Variants in LPGAT1 observed in about 807,000 individuals in gnomAD.
The protein encoded by LPGAT1 is lysophosphatidylglycerol acyltransferase 1.
In LPGAT1, 11 loss-of-function variants were observed where a neutral mutation model predicts 47.5. That is an observed-to-expected ratio of 0.23 (90% CI 0.15 to 0.38). LPGAT1 has a LOEUF of 0.38. LPGAT1 is among the 10% of genes least tolerant of loss of function. The pLI is 1.00. For missense variants in LPGAT1, 293 were observed against 439.0 expected (o/e 0.67, Z 2.97); for synonymous variants, 138 against 144.2 (o/e 0.96, Z 0.31).
chr1:211,790,425 T>C (rs1571733494), intron 3 of LPGAT1, among the ~76,000 whole-genome samples: 1 of 127,094 alleles, frequency 7.9e-6, no homozygotes, highest in African/African-American at 2.6e-5. Flanking sequence ...TGGCCCACAA[T>C]ATAGCCTTCC....
At chr1:211,813,727 T>A (rs1660077741) in intron 2 of LPGAT1, among the ~76,000 whole-genome samples, 1 of 152,240 alleles carries the variant, frequency 6.6e-6, no homozygotes, top group African/African-American at 2.4e-5. Flanking sequence ...TCAGGTTGAT[T>A]GCAAATGTTC....
intron 6 of LPGAT1, among the ~76,000 whole-genome samples, chr1:211,757,881 T>G (rs749525897): frequency 2.6e-5 from 4 of 152,242 alleles, no homozygotes; most frequent in Non-Finnish European, 4.4e-5. Context: ...TTGTGCCCCC[T>G]ACATTTTAAC....
chr1:211,805,255 C>G (rs1659710932), intron 2 of LPGAT1, among the ~76,000 whole-genome samples: 1 of 152,158 alleles, frequency 6.6e-6, no homozygotes, highest in African/African-American at 2.4e-5. Context: ...GAAGACATCA[C>G]TACAAACGTT....
rs1400209503 is a variant in LPGAT1, at chr1:211,745,413, T to C, written c.*4486A>G. The C allele has an allele frequency of 2.6e-5, 4 of 152,228 alleles. No homozygotes were observed. Among genetic ancestry groups the C allele is most frequent in the Non-Finnish European group, 4.4e-5 (3 of 68,028 alleles). 9.4% of individuals were successfully genotyped at this position (152,228 alleles called of 1,614,324 possible). On this transcript the variant is annotated 3_prime_UTR_variant, in exon 8 of 8. Transcript: ENST00000366997. ...ATAAAATAAGTTACTGTAAAATGCA[T>C]AGACTCCTTACACGTAAAGAATTTG...
At position 211,830,677 on chromosome 1, in the gene LPGAT1, C is replaced by T; in HGVS notation, c.-132G>A. ...GAAGAAGGCGGTGGCGGGGCCCTGC[C>T]CCGCTCCGGCTGTGGCGCGGCCCGC... On this transcript the variant is annotated 5_prime_UTR_variant, in exon 1 of 8. Coordinates refer to ENST00000366997, the MANE Select transcript of LPGAT1 (RefSeq NM_014873.3). This position sits in a 1 kb window ranked among gnomAD's most constrained non-coding sequence, Gnocchi z 5.9. 1.7e-6 allele frequency: 2 copies of T among 1,191,902 alleles called. No homozygotes were observed. Among genetic ancestry groups the T allele is most frequent in the Non-Finnish European group, 2.1e-6 (2 of 964,704 alleles). The allele number at this position is 1,191,902 out of a possible 1,614,324, so 73.8% of individuals were successfully genotyped here. A position where few individuals can be genotyped will look rare whatever the true frequency, so the allele number is the denominator to read the frequency against.
At chr1:211,757,621 T>C (rs1163469973) in intron 6 of LPGAT1, among the ~76,000 whole-genome samples, 1 of 152,176 alleles carries the variant, frequency 6.6e-6, no homozygotes, top group Non-Finnish European at 1.5e-5. Flanking sequence ...TATTTTCATA[T>C]AGTCAGATAA....
intron 2 of LPGAT1, among the ~76,000 whole-genome samples, chr1:211,814,546 A>C (rs1660104806): frequency 6.6e-6 from 1 of 152,190 alleles, no homozygotes; most frequent in African/African-American, 2.4e-5. Context: ...CCATGTATGG[A>C]GTGCTGATAT....
In LPGAT1 at chr1:211,783,352, T is replaced by C; in HGVS notation, c.604A>G (p.Asn202Asp). Residue 202 changes from asparagine (N) to aspartate (D), a missense_variant, in exon 5 of 8, where the codon AAT becomes GAT. Transcript: ENST00000366997. ...RETSQAFAKK[N>D]NLPFLTNVTL... ...ACATTTGTAAGAAATGGCAAGTTATTTTTCTTGGCAAATGCCTGACTTGTT... is the reference window on the plus strand; with the variant it reads ...ACATTTGTAAGAAATGGCAAGTTATCTTTCTTGGCAAATGCCTGACTTGTT... The C allele has an allele frequency of 6.2e-7, 1 of 1,614,188 alleles. No homozygotes were observed. Among genetic ancestry groups the C allele is most frequent in the Non-Finnish European group, 8.5e-7 (1 of 1,180,030 alleles).
intron 6 of LPGAT1, among the ~76,000 whole-genome samples, chr1:211,764,636 T>C (rs1435723220): frequency 6.6e-6 from 1 of 152,220 alleles, no homozygotes; most frequent in Non-Finnish European, 1.5e-5. Context: ...TAAAATGTAA[T>C]ATTTATAGCT....
intron 6 of LPGAT1, among the ~76,000 whole-genome samples, chr1:211,770,577 T>C (rs189579526): frequency 1.7e-3 from 259 of 152,318 alleles, no homozygotes; most frequent in Non-Finnish European, 2.5e-3. Flanking sequence ...ATAATGGAGC[T>C]GAAAAATTCC....
intron 5 of LPGAT1, among the ~76,000 whole-genome samples, chr1:211,782,455 T>A (rs545078208): frequency 6.7e-4 from 102 of 152,266 alleles, no homozygotes; most frequent in African/African-American, 2.3e-3. Flanking sequence ...CAAACAAGGC[T>A]GGACATGGTG....
At position 211,793,240 on chromosome 1, in the gene LPGAT1, TATC is replaced by T. The variant is rs763101101; in HGVS notation, c.239-53_239-51del. 6 of 1,193,910 alleles carry T rather than the reference TATC, an allele frequency of 5.0e-6. No homozygotes were observed. In the South Asian group the frequency reaches 7.6e-5, roughly 15 times the overall value. The allele number at this position is 1,193,910 out of a possible 1,614,324, so 74.0% of individuals were successfully genotyped here. A position where few individuals can be genotyped will look rare whatever the true frequency, so the allele number is the denominator to read the frequency against. ...GCTGTCATTTTAAAGATTTTTATAT[TATC>T]ACAAACCTTATATTAGAAAAAATGA... On this transcript the variant is annotated intron_variant, in intron 2 of 7. Coordinates refer to ENST00000366997, the MANE Select transcript of LPGAT1 (RefSeq NM_014873.3).
intron 2 of LPGAT1, among the ~76,000 whole-genome samples, chr1:211,797,248 T>A (rs1259837007): frequency 6.6e-6 from 1 of 151,480 alleles, no homozygotes; most frequent in Non-Finnish European, 1.5e-5. Context: ...AAAGCGAGAC[T>A]CTGTCTCAAA....
At chr1:211,828,506 T>C (rs1389229949) in intron 2 of LPGAT1, among the ~76,000 whole-genome samples, 1 of 152,232 alleles carries the variant, frequency 6.6e-6, no homozygotes, top group African/African-American at 2.4e-5. Context: ...CTTAATTTTT[T>C]ATATTTAATA....
In LPGAT1 at chr1:211,783,352, T is replaced by G. The variant is rs1485218031; in HGVS notation, c.604A>C (p.Asn202His). 1.9e-6 allele frequency: 3 copies of G among 1,614,188 alleles called. No homozygotes were observed. Among genetic ancestry groups the G allele is most frequent in the Non-Finnish European group, 1.7e-6 (2 of 1,180,030 alleles). Residue 202 changes from asparagine to histidine, a missense_variant, in exon 5 of 8, where the codon AAT (asparagine) becomes CAT (histidine). By Grantham distance (68) the Asn-to-His change is moderately conservative. Coordinates refer to ENST00000366997, the MANE Select transcript of LPGAT1 (RefSeq NM_014873.3). ...RETSQAFAKK[N>H]NLPFLTNVTL... is the part of the protein sequence containing the mutation. ...ACATTTGTAAGAAATGGCAAGTTAT[T>G]TTTCTTGGCAAATGCCTGACTTGTT...
chr1:211,745,803 A>G lies in LPGAT1; in HGVS notation c.*4096T>C, dbSNP rs1656919501. 1 of 152,648 alleles carries G rather than the reference A, an allele frequency of 6.6e-6. No homozygotes were observed. Among genetic ancestry groups the G allele is most frequent in the East Asian group, 1.9e-4 (1 of 5,198 alleles). 9.5% of individuals were successfully genotyped at this position (152,648 alleles called of 1,614,324 possible). ...CTCTAACTTAGATGGTTTTGGTCCC[A>G]AACATATTAGTCTCTACCCTTCCTG... On this transcript the variant is annotated 3_prime_UTR_variant, in exon 8 of 8. Coordinates refer to ENST00000366997, the MANE Select transcript of LPGAT1 (RefSeq NM_014873.3).
intron 6 of LPGAT1, among the ~76,000 whole-genome samples, chr1:211,764,774 AAGACT>A (rs952483856): frequency 2.0e-4 from 31 of 152,224 alleles, no homozygotes; most frequent in African/African-American, 7.5e-4. Context: ...GGTATTTCCA[AAGACT>A]ATACAGGTAG....
rs1170422105 is a variant in LPGAT1 at position 211,751,011 on chromosome 1, T to A, written c.911A>T (p.Tyr304Phe). The A allele has an allele frequency of 6.2e-7, 1 of 1,613,990 alleles. No homozygotes were observed. Among genetic ancestry groups the A allele is most frequent in the African/African-American group, 1.3e-5 (1 of 75,052 alleles). ...LETDDLTTWL[Y>F]QRFVEKEDLL... Reference sequence around the variant, plus strand: ...GTCTTCTTTTTCAACAAACCGCTGATAGAGCCAAGTGGTAAGGTCATCAGT... The same window carrying A: ...GTCTTCTTTTTCAACAAACCGCTGAAAGAGCCAAGTGGTAAGGTCATCAGT... Residue 304 changes from tyrosine (Y) to phenylalanine (F), a missense_variant, in exon 7 of 8, where the codon TAT (tyrosine) becomes TTT (phenylalanine). Coordinates refer to ENST00000366997, the MANE Select transcript of LPGAT1 (RefSeq NM_014873.3).
rs77216783 is a variant in LPGAT1, at chr1:211,799,091, A to C, written c.239-5901T>G. Among the ~76,000 whole-genome samples the C allele has an allele frequency of 6.0e-3, 915 of 152,296 alleles. 8 individuals carry two copies. Among genetic ancestry groups the C allele is most frequent in the African/African-American group, 0.02 (850 of 41,550 alleles). On this transcript the variant is annotated intron_variant, in intron 2 of 7. Transcript: ENST00000366997. ...AAGAACCACTGGAATTGAAGTGCTG[A>C]TAAGTTTAATTTTATTTTTTTTTAA...
Sources: gnomAD v4.1 joint callset for allele counts (sites outside exome capture counted in the v4.1 genomes callset) on GRCh38, gnomAD v4.1.1 for gene constraint, Gnocchi (gnomAD v3.1) non-coding constraint, MANE v1.5 for transcripts, NCBI Gene and HGNC (gene_info 2026-07-23, HGNC 2026-07-21) for gene names.